KHDRBS1: variants seen among roughly 807,000 people sequenced by gnomAD.
KHDRBS1 encodes the protein KH RNA binding domain containing, signal transduction associated 1, also known as KH domain-containing, RNA-binding, signal transduction-associated protein 1.
In KHDRBS1, 7 loss-of-function variants were observed where a neutral mutation model predicts 48.4. The ratio of observed to expected loss-of-function variants is 0.14; its 90% CI spans 0.08 to 0.27. KHDRBS1 has a LOEUF of 0.27. KHDRBS1 is among the 10% of genes least tolerant of loss of function. KHDRBS1 has a pLI of 1.00. For synonymous variants in KHDRBS1, 241 were observed against 235.8 expected (o/e 1.02, Z -0.20); for missense variants, 458 against 601.2 (o/e 0.76, Z 2.49).
intron 4 of KHDRBS1, 117 bp downstream of exon 4, chr1:32,033,451 T>C: frequency 7.4e-7 from 1 of 1,350,826 alleles, no homozygotes; most frequent in East Asian, 2.3e-5. Flanking sequence ...TACCAAATTC[T>C]GCACTTATGT....
intron 10 of KHDRBS1, chr1:32,054,324 TG>T (rs1639455363): frequency 6.6e-6 from 1 of 152,170 alleles, no homozygotes; most frequent in African/African-American, 2.4e-5. Context: ...TACTCCTTTG[TG>T]GGAGAGTGAA....
chr1:32,026,995 ATGT>A (rs1638985376), intron 1 of KHDRBS1, among the ~76,000 whole-genome samples: 1 of 152,178 alleles, frequency 6.6e-6, no homozygotes, highest in African/African-American at 2.4e-5. Flanking sequence ...GGGTTTCCCC[ATGT>A]TGACCAAGCT....
chr1:32,039,355 A>G (rs867540510), intron 7 of KHDRBS1, among the ~76,000 whole-genome samples, 160 bp from the exon 8 acceptor site: 19 of 152,202 alleles, frequency 1.2e-4, no homozygotes, highest in Admixed American at 9.8e-4. Context: ...TACATAGTCT[A>G]TACATATTTT....
intron 1 of KHDRBS1, among the ~76,000 whole-genome samples, chr1:32,029,098 T>C (rs577957887): frequency 6.6e-6 from 1 of 152,148 alleles, no homozygotes; most frequent in Non-Finnish European, 1.5e-5. Context: ...CTCTCCATAC[T>C]ATAGGAAGCA....
intron 5 of KHDRBS1, 124 bp downstream of exon 5, chr1:32,037,167 G>C: frequency 9.3e-7 from 1 of 1,072,220 alleles, no homozygotes; most frequent in Non-Finnish European, 1.3e-6. Context: ...ATAAAGAACA[G>C]AATTCTACAA....
In KHDRBS1 at chr1:32,039,583, T is replaced by C. The variant is rs924073355; in HGVS notation, c.1234+10T>C. Reference sequence around the variant, plus strand: ...TCTTATGAAGCTTATGGTATGTCTTTATCTCTGTGGTGGGGCAGAATGTAC... The same window carrying C: ...TCTTATGAAGCTTATGGTATGTCTTCATCTCTGTGGTGGGGCAGAATGTAC... On this transcript the variant is annotated intron_variant, in intron 8 of 8. Transcript: ENST00000327300. 4 of 1,400,788 alleles carry C rather than the reference T, an allele frequency of 2.9e-6. No individual in the cohort carries two copies. The highest frequency in any genetic ancestry group is 4.1e-6 in the Non-Finnish European group (4 of 985,308). The allele number at this position is 1,400,788 out of a possible 1,614,324, so 86.8% of individuals were successfully genotyped here. A position where few individuals can be genotyped will look rare whatever the true frequency, so the allele number is the denominator to read the frequency against.
In KHDRBS1 at chr1:32,043,558, A is replaced by T. The variant is rs11540629; in HGVS notation, c.*934A>T. On this transcript the variant is annotated 3_prime_UTR_variant, in exon 9 of 9. Transcript: ENST00000327300. ...CCATTTGAGATTCTGCACTCCATGA[A>T]AAGTTCACTTGGACGCTGGGGCCAA... 6.6e-6 allele frequency: 1 copy of T among 152,634 alleles called. No homozygotes were observed. The highest frequency in any genetic ancestry group is 6.5e-5 in the Admixed American group (1 of 15,270). 9.5% of individuals were successfully genotyped at this position (152,634 alleles called of 1,614,324 possible).
intron 1 of KHDRBS1, among the ~76,000 whole-genome samples, chr1:32,017,742 G>A (rs928157901): frequency 6.6e-6 from 1 of 151,360 alleles, no homozygotes; most frequent in Non-Finnish European, 1.5e-5. Context: ...CTGGTAGCTG[G>A]GATTATAGGC....
chr1:32,025,285 G>T (rs1291689110), intron 1 of KHDRBS1, among the ~76,000 whole-genome samples: 1 of 140,094 alleles, frequency 7.1e-6, no homozygotes, highest in Admixed American at 7.1e-5. Flanking sequence ...AAAAAATTCG[G>T]CTCCTCCTTT....
chr1:32,059,730 A>G (rs895412878), intron 10 of KHDRBS1, among the ~76,000 whole-genome samples: 1 of 152,128 alleles, frequency 6.6e-6, no homozygotes, highest in Non-Finnish European at 1.5e-5. Context: ...AATAATAGTG[A>G]TAATAAGATG....
intron 10 of KHDRBS1, chr1:32,052,331 AGAAAG>A (rs1242833507): frequency 6.6e-6 from 1 of 152,084 alleles, no homozygotes; most frequent in Non-Finnish European, 1.5e-5. Context: ...CTGTAAAGAA[AGAAAG>A]GAAAGAAAGA....
chr1:32,051,317 A>G (rs1418635391), intron 10 of KHDRBS1, among the ~76,000 whole-genome samples: 2 of 152,218 alleles, frequency 1.3e-5, no homozygotes, highest in South Asian at 2.1e-4. Context: ...CCACAGATGT[A>G]TGTAGGTGTA....
In KHDRBS1 at chr1:32,042,708, C is replaced by T; in HGVS notation, c.*84C>T. ...CTCCCAGGATTCCTGTTGCTTTACC[C>T]ACAACAGACAAGTAATTGTCTAAGT... is the stretch of plus-strand genomic sequence containing the variant. On this transcript the variant is annotated 3_prime_UTR_variant, in exon 9 of 9. Coordinates refer to ENST00000327300, the MANE Select transcript of KHDRBS1 (RefSeq NM_006559.3). 3 of 810,164 alleles carry T rather than the reference C, an allele frequency of 3.7e-6. No homozygotes were observed. The highest frequency in any genetic ancestry group is 6.2e-6 in the Non-Finnish European group (3 of 480,148). The allele number at this position is 810,164 out of a possible 1,614,324, so 50.2% of individuals were successfully genotyped here.
intron 1 of KHDRBS1, among the ~76,000 whole-genome samples, chr1:32,021,047 A>G (rs1479409093): frequency 6.6e-6 from 1 of 152,190 alleles, no homozygotes; most frequent in African/African-American, 2.4e-5. Flanking sequence ...GCAAAATGTT[A>G]TGGGGAAAAC....
chr1:32,029,739 T>C (rs1169474117), intron 1 of KHDRBS1, among the ~76,000 whole-genome samples: 1 of 152,228 alleles, frequency 6.6e-6, no homozygotes, highest in Non-Finnish European at 1.5e-5. Context: ...TAACGATATA[T>C]TAAGTACTTT....
chr1:32,030,312 C>G lies in KHDRBS1; in HGVS notation c.397C>G (p.Gln133Glu), dbSNP rs745718074. The G allele has an allele frequency of 1.0e-5, 16 of 1,603,716 alleles. No homozygotes were observed. In the African/African-American group the frequency reaches 1.7e-4, roughly 18 times the overall value. The change falls in exon 2 of 9, where the codon CAG (glutamine) becomes GAG (glutamate). Residue 133 changes from glutamine (Q) to glutamate (E), a missense_variant. Gln to Glu is a conservative substitution (Grantham distance 29). Coordinates refer to ENST00000327300, the MANE Select transcript of KHDRBS1 (RefSeq NM_006559.3). ...QLLTAEIEKI[Q>E]KGDSKKDDEE... is the part of the protein sequence containing the mutation. Reference sequence around the variant, plus strand: ...TTCCTATTCAGAAATTGAGAAGATTCAGAAAGGAGACTCAAAAAAGGATGA... The same window carrying G: ...TTCCTATTCAGAAATTGAGAAGATTGAGAAAGGAGACTCAAAAAAGGATGA...
At chr1:32,044,461 G>T (rs1351544625), downstream of KHDRBS1, among the ~76,000 whole-genome samples, 1 of 152,196 alleles carries the variant, frequency 6.6e-6, no homozygotes, top group Admixed American at 6.5e-5. Context: ...GGAAGTGATG[G>T]AATTGGTTGG....
chr1:32,029,202 C>T (rs1156744816), intron 1 of KHDRBS1, among the ~76,000 whole-genome samples: 5 of 152,078 alleles, frequency 3.3e-5, no homozygotes, highest in Non-Finnish European at 7.4e-5. Context: ...CTGTCTTAAC[C>T]CGCGAATTGA....
At chr1:32,049,725 G>A (rs369260515) in intron 10 of KHDRBS1, among the ~76,000 whole-genome samples, 24 of 150,798 alleles carry the variant, frequency 1.6e-4, no homozygotes, top group East Asian at 1.4e-3. Context: ...GCAGTGGCAC[G>A]ATCTCAGCTC....
Sources: gnomAD v4.1 joint callset for allele counts (sites outside exome capture counted in the v4.1 genomes callset) on GRCh38, gnomAD v4.1.1 for gene constraint, MANE v1.5 for transcripts, NCBI Gene and HGNC (gene_info 2026-07-23, HGNC 2026-07-21) for gene names.